PARD6G: variants seen among roughly 807,000 people sequenced by gnomAD.
The protein encoded by PARD6G is partitioning defective 6 homolog gamma.
Under a neutral mutation model 10.7 loss-of-function variants are expected in PARD6G, and 7 were observed. That is an observed-to-expected ratio of 0.66 (90% CI 0.37 to 1.23). The LOEUF (loss-of-function observed/expected upper bound fraction) is 1.23. Among genes scored for constraint, PARD6G ranks in the 50% most tolerant of loss-of-function variants. The pLI is 0.02. For synonymous variants in PARD6G, 287 were observed against 269.4 expected, an observed-to-expected ratio of 1.07 and a Z score of -0.64; for missense variants, 548 against 571.8, an observed-to-expected ratio of 0.96 and a Z score of 0.42.
intron 1 of PARD6G, among the ~76,000 whole-genome samples, chr18:80,216,719 T>C (rs180717595): frequency 2.6e-5 from 4 of 151,960 alleles, no homozygotes; most frequent in Admixed American, 2.6e-4. Flanking sequence ...AAAAAGGAAA[T>C]GCAAACTTAA....
rs1259274915 is a variant in PARD6G, at chr18:80,228,860, T to C, written c.72+18417A>G. Among the ~76,000 whole-genome samples the C allele has an allele frequency of 3.3e-5, 5 of 152,092 alleles. No individual in the cohort carries two copies. The highest frequency in any genetic ancestry group is 7.4e-5 in the Non-Finnish European group (5 of 68,020). On this transcript the variant is annotated intron_variant, in intron 1 of 2. Transcript: ENST00000353265. This position sits in a 1 kb window ranked among gnomAD's most constrained non-coding sequence, Gnocchi z 4.6. ...ATGTTCATCAAAATACTTATAAGGG[T>C]GACAAATGGAAACAGTAAGTGCATC...
At chr18:80,219,725 T>TA (rs928212185) in intron 1 of PARD6G, among the ~76,000 whole-genome samples, 1 of 152,196 alleles carries the variant, frequency 6.6e-6, no homozygotes, top group African/African-American at 2.4e-5. Flanking sequence ...AACAAGTTCC[T>TA]AATCTCCATC....
rs757311465 is a variant in PARD6G, at chr18:80,246,942, C to T, written c.72+335G>A. ...GGCCCTCAACTCGCCCCGGAAAGGC[C>T]GCCCTCCCCTCCAATGTGTGGCGCG... On this transcript the variant is annotated intron_variant, in intron 1 of 2. Transcript: ENST00000353265. This position sits in a 1 kb window ranked among gnomAD's most constrained non-coding sequence, Gnocchi z 6.7. 2.0e-5 allele frequency among the ~76,000 whole-genome samples: 3 copies of T among 152,092 alleles called. No individual in the cohort carries two copies. The highest frequency in any genetic ancestry group is 2.9e-5 in the Non-Finnish European group (2 of 67,992).
In PARD6G at chr18:80,181,777, G is replaced by A. The variant is rs757085247; in HGVS notation, c.295+20933C>T. On this transcript the variant is annotated intron_variant, in intron 2 of 2. Coordinates refer to ENST00000353265, the MANE Select transcript of PARD6G (RefSeq NM_032510.4). The surrounding 1 kb of genome is among the most constrained non-coding windows in gnomAD (Gnocchi z 7.9). ...GATGGGCATCGGCTCCCCATTCCTCGCGTCCTCTCCCCCTGTGCAGAGCAT... is the reference window on the plus strand; with the variant it reads ...GATGGGCATCGGCTCCCCATTCCTCACGTCCTCTCCCCCTGTGCAGAGCAT... Among the ~76,000 whole-genome samples the A allele has an allele frequency of 7.2e-5, 11 of 151,886 alleles. No individual in the cohort carries two copies. The highest frequency in any genetic ancestry group is 1.5e-4 in the Non-Finnish European group (10 of 67,978).
chr18:80,247,224 T>G lies in PARD6G; in HGVS notation c.72+53A>C. The stretch of plus-strand genomic sequence containing the variant: ...CAGTCCCCCTCCGCGGGGCGCCCCA[T>G]TCATTAGCCAGGAGACTGGGCGCAG... On this transcript the variant is annotated intron_variant, in intron 1 of 2. Coordinates refer to ENST00000353265, the MANE Select transcript of PARD6G (RefSeq NM_032510.4). This position sits in a 1 kb window ranked among gnomAD's most constrained non-coding sequence, Gnocchi z 4.2. 7 of 1,427,468 alleles carry G rather than the reference T, an allele frequency of 4.9e-6. No individual in the cohort carries two copies. The highest frequency in any genetic ancestry group is 6.7e-6 in the Non-Finnish European group (7 of 1,045,812). 88.4% of individuals were successfully genotyped at this position (1,427,468 alleles called of 1,614,324 possible).
At chr18:80,232,366 G>A (rs761596114) in intron 1 of PARD6G, among the ~76,000 whole-genome samples, 10 of 152,140 alleles carry the variant, frequency 6.6e-5, no homozygotes, top group South Asian at 2.1e-4. Context: ...GTATTAGTCC[G>A]TTTTCACGCT....
intron 1 of PARD6G, among the ~76,000 whole-genome samples, chr18:80,237,957 G>C (rs955815989): frequency 3.2e-4 from 48 of 152,142 alleles, no homozygotes; most frequent in Middle Eastern, 3.4e-3. Context: ...CAGGGATCTA[G>C]AACTAGAAAT....
At chr18:80,212,588 A>G (rs1245031296) in intron 1 of PARD6G, among the ~76,000 whole-genome samples, 2 of 152,180 alleles carry the variant, frequency 1.3e-5, no homozygotes, top group African/African-American at 4.8e-5. Context: ...AATTGGGTAA[A>G]TAATTATCTT....
chr18:80,167,189 G>A (rs1252332806), intron 2 of PARD6G, among the ~76,000 whole-genome samples: 3 of 152,196 alleles, frequency 2.0e-5, no homozygotes, highest in African/African-American at 2.4e-5. Context: ...GCGTGTGGAC[G>A]TGTGTGCAGG....
At position 80,160,403 on chromosome 18, in the gene PARD6G, C is replaced by T. The variant is rs374283430; in HGVS notation, c.499G>A (p.Glu167Lys). The change falls in exon 3 of 3, where the codon GAG becomes AAG. Residue 167 changes from glutamate to lysine, a missense_variant. Physicochemically the swap from Glu to Lys is moderately conservative, Grantham distance 56 (BLOSUM62 1). Transcript: ENST00000353265. Reference sequence around the variant, plus strand: ...CGGATGTAGAAGCCCAGCGGCTTCTCGCAGCCGTGCCGGTGCAGCCGCACT... The same window carrying T: ...CGGATGTAGAAGCCCAGCGGCTTCTTGCAGCCGTGCCGGTGCAGCCGCACT... The part of the protein sequence containing the change: ...RRVRLHRHGC[E>K]KPLGFYIRDG... The T allele has an allele frequency of 3.6e-4, 570 of 1,600,742 alleles. No individual in the cohort carries two copies. Among genetic ancestry groups the T allele is most frequent in the Non-Finnish European group, 4.7e-4 (548 of 1,174,466 alleles).
Position 80,246,111 on chromosome 18 carries a change from G to A in PARD6G, c.72+1166C>T, listed in dbSNP as rs559386014. Among the ~76,000 whole-genome samples the A allele has an allele frequency of 2.4e-3, 367 of 152,178 alleles. 1 individual carries two copies. Among genetic ancestry groups the A allele is most frequent in the Non-Finnish European group, 4.0e-3 (274 of 67,982 alleles). On this transcript the variant is annotated intron_variant, in intron 1 of 2. Coordinates refer to ENST00000353265, the MANE Select transcript of PARD6G (RefSeq NM_032510.4). This position sits in a 1 kb window ranked among gnomAD's most constrained non-coding sequence, Gnocchi z 6.7. Reference sequence around the variant, plus strand: ...CCCAGAGACAGGGGAGGGAACACCCGCCCTGCGCCCAAGATAGGCACACAG... The same window carrying A: ...CCCAGAGACAGGGGAGGGAACACCCACCCTGCGCCCAAGATAGGCACACAG...
chr18:80,217,374 CTTATG>C (rs1224445203), intron 1 of PARD6G, among the ~76,000 whole-genome samples: 1 of 152,050 alleles, frequency 6.6e-6, no homozygotes, highest in South Asian at 2.1e-4. Context: ...CTTCCCACCT[CTTATG>C]TGTAAGGCAC....
At chr18:80,191,047 G>A (rs575088221) in intron 2 of PARD6G, among the ~76,000 whole-genome samples, 5 of 152,308 alleles carry the variant, frequency 3.3e-5, no homozygotes, top group South Asian at 2.1e-4. Context: ...CAGGGCCAGC[G>A]TGTGAGAATT....
At chr18:80,217,891 T>C (rs762426885) in intron 1 of PARD6G, among the ~76,000 whole-genome samples, 19 of 152,164 alleles carry the variant, frequency 1.2e-4, no homozygotes, top group Non-Finnish European at 2.5e-4. Flanking sequence ...AAACACATCC[T>C]TCTTCACATG....
At chr18:80,169,455 A>G (rs564523760) in intron 2 of PARD6G, 1 of 152,568 alleles carries the variant, frequency 6.6e-6, no homozygotes, top group East Asian at 1.9e-4. Context: ...AAGGCGCTCC[A>G]CCAGGACACA....
intron 1 of PARD6G, among the ~76,000 whole-genome samples, chr18:80,245,495 G>A (rs1377564632): frequency 6.6e-6 from 1 of 152,092 alleles, no homozygotes; most frequent in Non-Finnish European, 1.5e-5. Flanking sequence ...AGTGTGTCAC[G>A]CTGCTGAGAC....
rs1423000783 is a variant in PARD6G, at chr18:80,184,585, G to A, written c.295+18125C>T. The A allele has an allele frequency of 2.0e-5, 3 of 152,316 alleles. No individual in the cohort carries two copies. The highest frequency in any genetic ancestry group is 1.3e-4 in the Admixed American group (2 of 15,276). The allele number at this position is 152,316 out of a possible 1,614,324, so 9.4% of individuals were successfully genotyped here. A position where few individuals can be genotyped will look rare whatever the true frequency, so the allele number is the denominator to read the frequency against. On this transcript the variant is annotated intron_variant, in intron 2 of 2. Coordinates refer to ENST00000353265, the MANE Select transcript of PARD6G (RefSeq NM_032510.4). The surrounding 1 kb of genome is among the most constrained non-coding windows in gnomAD (Gnocchi z 4.5). Reference sequence around the variant, plus strand: ...GGAGCAAGGCCGTGAAACCCGCAGCGGGAGCGAGGCGCGGAAACAGGCCAT... The same window carrying A: ...GGAGCAAGGCCGTGAAACCCGCAGCAGGAGCGAGGCGCGGAAACAGGCCAT...
At position 80,246,077 on chromosome 18, in the gene PARD6G, A is replaced by G. The variant is rs915164355; in HGVS notation, c.72+1200T>C. Among the ~76,000 whole-genome samples, 5 of 151,914 alleles carry G rather than the reference A, an allele frequency of 3.3e-5. No homozygotes were observed. The highest frequency in any genetic ancestry group is 2.1e-4 in the South Asian group (1 of 4,812). The stretch of plus-strand genomic sequence containing the variant: ...CAGCACAGCGAGAGGGGGCTGTTGG[A>G]CTTGCCTCCCCAGAGACAGGGGAGG... On this transcript the variant is annotated intron_variant, in intron 1 of 2. Coordinates refer to ENST00000353265, the MANE Select transcript of PARD6G (RefSeq NM_032510.4). This position sits in a 1 kb window ranked among gnomAD's most constrained non-coding sequence, Gnocchi z 6.7.
chr18:80,174,798 C>CA (rs1191810792), intron 2 of PARD6G, among the ~76,000 whole-genome samples: 6 of 152,096 alleles, frequency 3.9e-5, no homozygotes, highest in South Asian at 2.1e-4. Context: ...ACTAAAAATA[C>CA]AAAAAATTAG....
Sources: gnomAD v4.1 joint callset for allele counts (sites outside exome capture counted in the v4.1 genomes callset) on GRCh38, gnomAD v4.1.1 for gene constraint, Gnocchi (gnomAD v3.1) non-coding constraint, MANE v1.5 for transcripts, NCBI Gene and HGNC (gene_info 2026-07-23, HGNC 2026-07-21) for gene names.